The following BICRA variants were observed in gnomAD, a reference collection of about 807,000 sequenced individuals.
The protein encoded by BICRA is BRD4-interacting chromatin-remodeling complex-associated protein.
A neutral mutation model predicts 96.9 loss-of-function variants in BICRA; 31 were observed. The ratio of observed to expected loss-of-function variants is 0.32; its 90% CI spans 0.24 to 0.43. BICRA has a LOEUF of 0.43. Among genes scored for constraint, BICRA ranks in the 20% least tolerant of loss-of-function variants. The pLI is 1.00. For synonymous variants in BICRA, 1,350 were observed against 1,071.8 expected, an observed-to-expected ratio of 1.26 and a Z score of -5.07; for missense variants, 2,283 against 2,190.3, an observed-to-expected ratio of 1.04 and a Z score of -0.84.
rs376217211 is a variant in BICRA at position 47,622,950 on chromosome 19, T to C, written c.-108+13782T>C. Among the ~76,000 whole-genome samples, 88 of 150,688 alleles carry C rather than the reference T, an allele frequency of 5.8e-4. No individual in the cohort carries two copies. The East Asian group carries it at 0.016, about 27-fold the overall frequency. On this transcript the variant is annotated intron_variant, in intron 1 of 14. Transcript: ENST00000594866. The stretch of plus-strand genomic sequence containing the variant: ...CTACTCAGGAGGCTGAGGCAGAGAA[T>C]TGTTTGAGCCCAGGAGGCGGAGGTT...
At chr19:47,640,375 G>C (rs766341852) in intron 1 of BICRA, among the ~76,000 whole-genome samples, 1 of 151,830 alleles carries the variant, frequency 6.6e-6, no homozygotes, top group Non-Finnish European at 1.5e-5. Context: ...ACTAAAAATA[G>C]AAAAATCAGC....
chr19:47,702,650 G>A lies in BICRA; in HGVS notation c.*235G>A. On this transcript the variant is annotated 3_prime_UTR_variant, in exon 15 of 15. Transcript: ENST00000594866. ...GTAAAACGTCTCCCCTGCCAAAGGA[G>A]GGGCAAAGTGCTGTGTCAGTTCCTG... 3.8e-6 allele frequency: 2 copies of A among 524,212 alleles called. No individual in the cohort carries two copies. The highest frequency in any genetic ancestry group is 6.6e-6 in the Non-Finnish European group (2 of 304,056). The allele number at this position is 524,212 out of a possible 1,614,324, so 32.5% of individuals were successfully genotyped here.
chr19:47,614,962 A>G (rs781715915), intron 1 of BICRA, among the ~76,000 whole-genome samples: 12 of 152,118 alleles, frequency 7.9e-5, no homozygotes, highest in African/African-American at 2.7e-4. Context: ...CTTACGGAGC[A>G]CCTTTGATGT....
intron 1 of BICRA, among the ~76,000 whole-genome samples, chr19:47,625,892 A>G (rs1471455026): frequency 2.0e-5 from 3 of 151,776 alleles, no homozygotes; most frequent in Admixed American, 6.6e-5. Context: ...AGTTAGGGAG[A>G]GCTCTGGCAG....
chr19:47,664,067 G>A (rs148853857), intron 1 of BICRA, among the ~76,000 whole-genome samples: 2 of 152,278 alleles, frequency 1.3e-5, no homozygotes, highest in African/African-American at 4.8e-5. Context: ...GAGCGGAGGA[G>A]GAGAGGTGGG....
In BICRA at chr19:47,644,532, A is replaced by T. The variant is rs1599810005; in HGVS notation, c.-107-25911A>T. Among the ~76,000 whole-genome samples the T allele has an allele frequency of 3.4e-5, 4 of 118,478 alleles. No homozygotes were observed. The South Asian group carries it at 1.1e-3, about 31-fold the overall frequency. The allele number at this position is 118,478 out of a possible 152,430, so 77.7% of individuals were successfully genotyped here. A position where few individuals can be genotyped will look rare whatever the true frequency, so the allele number is the denominator to read the frequency against. On this transcript the variant is annotated intron_variant, in intron 1 of 14. Coordinates refer to ENST00000594866, the MANE Select transcript of BICRA (RefSeq NM_001394372.1). ...TTTTTTTTCTTTCTGATGGAATCTC[A>T]CTCTGTCACTCAGGCTGGAGTGCAG...
chr19:47,627,624 T>A (rs1057050568), intron 1 of BICRA, among the ~76,000 whole-genome samples: 5 of 152,154 alleles, frequency 3.3e-5, no homozygotes, highest in African/African-American at 1.2e-4. Flanking sequence ...AGGACAGCCA[T>A]TGCAGTTCCA....
rs1165343057 is a variant in BICRA, at chr19:47,680,790, C to T, written c.1620C>T (p.His540=). 1.2e-6 allele frequency: 2 copies of T among 1,609,754 alleles called. No individual in the cohort carries two copies. The highest frequency in any genetic ancestry group is 1.7e-6 in the Non-Finnish European group (2 of 1,179,028). ...LAPHSGAHSA[H]ILSAAPIQVG... ...CCCACTCCGGGGCCCACAGCGCGCA[C>T]ATCCTCTCCGCCGCTCCCATCCAGG... The change falls in exon 6 of 15, where the codon CAC becomes CAT. Residue 540 remains histidine (H), a synonymous_variant. Transcript: ENST00000594866.
At chr19:47,623,868 T>C (rs73043706) in intron 1 of BICRA, among the ~76,000 whole-genome samples, 41,555 of 148,328 alleles carry the variant, frequency 0.28, 6,063 homozygotes, top group Non-Finnish European at 0.32. Flanking sequence ...TTTTTGAGAC[T>C]GAGACCGAGT....
rs866714299 is a variant in BICRA at position 47,688,227 on chromosome 19, T to C, written c.2284-5888T>C. On this transcript the variant is annotated intron_variant, in intron 7 of 14. Transcript: ENST00000594866. ...ATCACCTGAGCCCAGGAGTTTGAGG[T>C]CAGCCTGAACAACATAGCGAGATCT... Among the ~76,000 whole-genome samples the C allele has an allele frequency of 7.2e-5, 11 of 151,860 alleles. No individual in the cohort carries two copies. The South Asian group carries it at 2.3e-3, about 32-fold the overall frequency.
Position 47,688,573 on chromosome 19 carries a change from G to A in BICRA, c.2284-5542G>A, listed in dbSNP as rs540238327. 9.0e-4 allele frequency among the ~76,000 whole-genome samples: 137 copies of A among 152,080 alleles called. 1 individual carries two copies. The highest frequency in any genetic ancestry group is 3.4e-3 in the Middle Eastern group (1 of 294). On this transcript the variant is annotated intron_variant, in intron 7 of 14. Transcript: ENST00000594866. ...TGGGAAGCCGAGTTGGGTGGATCAC[G>A]AGGTCAAGATATCGAGACCATCCTG...
chr19:47,651,064 C>T (rs545475414), intron 1 of BICRA, among the ~76,000 whole-genome samples: 16 of 152,198 alleles, frequency 1.1e-4, no homozygotes, highest in South Asian at 4.1e-4. Flanking sequence ...TTGTCCCCTC[C>T]GCTGTCACCA....
chr19:47,689,893 G>A (rs1483819582), intron 7 of BICRA, among the ~76,000 whole-genome samples: 1 of 152,214 alleles, frequency 6.6e-6, no homozygotes, highest in Non-Finnish European at 1.5e-5. Context: ...TTGTACAGAA[G>A]AGCCACAGTT....
chr19:47,629,301 C>T (rs539173429), intron 1 of BICRA, among the ~76,000 whole-genome samples: 19 of 152,326 alleles, frequency 1.2e-4, no homozygotes, highest in African/African-American at 4.1e-4. Context: ...CCACACCCGG[C>T]GTCCAACTGA....
At chr19:47,619,540 T>C (rs907336876) in intron 1 of BICRA, among the ~76,000 whole-genome samples, 3 of 151,360 alleles carry the variant, frequency 2.0e-5, no homozygotes, top group Non-Finnish European at 2.9e-5. Flanking sequence ...ATTACAGGTG[T>C]GAGCCACTGG....
intron 1 of BICRA, among the ~76,000 whole-genome samples, chr19:47,657,318 G>GT (rs1972633467): frequency 6.6e-6 from 1 of 152,078 alleles, no homozygotes; most frequent in African/African-American, 2.4e-5. Flanking sequence ...TCGTGTGGAT[G>GT]TAACAGTGTA....
At chr19:47,678,184 C>G (rs1438306602) in intron 5 of BICRA, among the ~76,000 whole-genome samples, 1 of 152,154 alleles carries the variant, frequency 6.6e-6, no homozygotes, top group Non-Finnish European at 1.5e-5. Flanking sequence ...GGTAGGATCT[C>G]AGCTCATTAC....
rs774132000 is a variant in BICRA at position 47,681,104 on chromosome 19, AGCAGCCCCC to A, written c.1939_1947del (p.Pro647_Gln649del). On this transcript the variant is annotated inframe_deletion, in exon 6 of 15. Coordinates refer to ENST00000594866, the MANE Select transcript of BICRA (RefSeq NM_001394372.1). ...CTGGGCCTCCAGCAGCCGCAGGCGC[AGCAGCCCCC>A]GCAGGCCCCCACCCCACAGGCCGCC... The A allele has an allele frequency of 4.0e-5, 58 of 1,453,318 alleles. 2 individuals are homozygous for A. The South Asian group carries it at 4.4e-4, about 11-fold the overall frequency. The allele number at this position is 1,453,318 out of a possible 1,614,324, so 90.0% of individuals were successfully genotyped here.
At chr19:47,622,399 A>G (rs1225451103) in intron 1 of BICRA, among the ~76,000 whole-genome samples, 1 of 147,556 alleles carries the variant, frequency 6.8e-6, no homozygotes, top group Non-Finnish European at 1.5e-5. Flanking sequence ...GCCTGAGTGT[A>G]ACTTGGTTTC....
Sources: gnomAD v4.1 joint callset for allele counts (sites outside exome capture counted in the v4.1 genomes callset) on GRCh38, gnomAD v4.1.1 for gene constraint, MANE v1.5 for transcripts, NCBI Gene and HGNC (gene_info 2026-07-23, HGNC 2026-07-21) for gene names.